Variants in PARD3 observed in about 807,000 individuals in gnomAD.
The protein encoded by PARD3 is partitioning defective 3 homolog.
In PARD3, 75 loss-of-function variants were observed where a neutral mutation model predicts 155.4. The observed-to-expected ratio is 0.48, with a 90% CI of 0.40 to 0.58. The LOEUF (loss-of-function observed/expected upper bound fraction) is 0.58. Among genes scored for constraint, PARD3 ranks in the 20% least tolerant of loss-of-function variants. The pLI, the probability that PARD3 is intolerant of heterozygous loss-of-function variation, is 0.00. For synonymous variants in PARD3, 576 were observed against 610.5 expected (o/e 0.94, Z 0.83); for missense variants, 1,642 against 1,721.7 (o/e 0.95, Z 0.82).
chr10:34,270,730 C>T (rs1428935815), intron 21 of PARD3, among the ~76,000 whole-genome samples: 3 of 152,120 alleles, frequency 2.0e-5, no homozygotes, highest in Admixed American at 6.5e-5. Flanking sequence ...AGCTTAATGA[C>T]ATCGACTCTG....
intron 7 of PARD3, among the ~76,000 whole-genome samples, chr10:34,389,590 T>C (rs1842685216): frequency 1.3e-5 from 2 of 152,202 alleles, no homozygotes; most frequent in Admixed American, 1.3e-4. Flanking sequence ...CCCAGCTGTA[T>C]GGAAATGATT....
intron 20 of PARD3, among the ~76,000 whole-genome samples, chr10:34,291,939 T>C (rs963178412): frequency 2.0e-5 from 3 of 152,210 alleles, no homozygotes; most frequent in Non-Finnish European, 4.4e-5. Flanking sequence ...CCAAAGGACA[T>C]TGTTCCTGAA....
At chr10:34,378,496 A>T (rs1841482246) in intron 9 of PARD3, among the ~76,000 whole-genome samples, 1 of 152,216 alleles carries the variant, frequency 6.6e-6, no homozygotes, top group Non-Finnish European at 1.5e-5. Context: ...CAATAATGAC[A>T]TCCAAATTTT....
chr10:34,721,499 G>A lies in PARD3; in HGVS notation c.121-25080C>T, dbSNP rs554140237. ...CCTCTCCTCCAACCCCATAGCCAGC[G>A]AAAAGGCAATACCCTGAGAGGGGCT... On this transcript the variant is annotated intron_variant, in intron 1 of 24. Coordinates refer to ENST00000374788, the MANE Select transcript of PARD3 (RefSeq NM_001184785.2). 6.2e-4 allele frequency among the ~76,000 whole-genome samples: 95 copies of A among 152,334 alleles called. 1 individual carries two copies. Among genetic ancestry groups the A allele is most frequent in the South Asian group, 6.2e-3 (30 of 4,820 alleles).
intron 1 of PARD3, among the ~76,000 whole-genome samples, chr10:34,810,157 AACTT>A (rs1324565647): frequency 1.3e-5 from 2 of 152,164 alleles, no homozygotes; most frequent in Non-Finnish European, 2.9e-5. Context: ...CAAAATCTGA[AACTT>A]ACTGAGCACC....
chr10:34,694,872 G>GCTAA lies in PARD3; in HGVS notation c.222+1442_222+1445dup, dbSNP rs777896955. On this transcript the variant is annotated intron_variant, in intron 2 of 24. Transcript: ENST00000374788. ...GCACCAACTCTCAGCCAGGCATGATGCTAACTGTCAGGAATATAGGTGTGA... is the reference window on the plus strand; with the variant it reads ...GCACCAACTCTCAGCCAGGCATGATGCTAACTAACTGTCAGGAATATAGGTGTGA... Among the ~76,000 whole-genome samples the GCTAA allele has an allele frequency of 7.2e-5, 11 of 152,262 alleles. No homozygotes were observed. The East Asian group carries it at 2.1e-3, about 29-fold the overall frequency.
intron 1 of PARD3, among the ~76,000 whole-genome samples, chr10:34,801,023 A>T (rs981058921): frequency 1.3e-5 from 2 of 152,180 alleles, no homozygotes; most frequent in African/African-American, 4.8e-5. Context: ...TCTGTCAAAA[A>T]TTCTCCGAAT....
At chr10:34,680,676 C>T (rs1227727087) in intron 2 of PARD3, among the ~76,000 whole-genome samples, 1 of 151,826 alleles carries the variant, frequency 6.6e-6, no homozygotes. Flanking sequence ...ACATACCAAT[C>T]ATTAAAGAAG....
intron 22 of PARD3, among the ~76,000 whole-genome samples, chr10:34,170,432 T>C (rs1349669312): frequency 6.6e-6 from 1 of 152,140 alleles, no homozygotes; most frequent in East Asian, 1.9e-4. Context: ...AATAACTTCA[T>C]TGAGTGCCTC....
intron 2 of PARD3, among the ~76,000 whole-genome samples, chr10:34,586,914 A>G (rs560365673): frequency 7.2e-5 from 11 of 151,874 alleles, no homozygotes; most frequent in Admixed American, 3.9e-4. Flanking sequence ...GTGCCATTGC[A>G]CTCCAGCCTG....
chr10:34,384,375 G>C (rs141728806), intron 7 of PARD3, 121 bp from the exon 8 acceptor site: 14,334 of 920,042 alleles, frequency 0.016, 141 homozygotes, highest in Non-Finnish European at 0.019. Context: ...ATGTTAAAAT[G>C]ACTATTCATA....
At chr10:34,201,079 G>GA (rs1564477098) in intron 22 of PARD3, among the ~76,000 whole-genome samples, 3 of 152,144 alleles carry the variant, frequency 2.0e-5, no homozygotes, top group African/African-American at 7.2e-5. Context: ...CTTGGAATAC[G>GA]AAAGGCATGG....
At chr10:34,814,171 C>G (rs1453097338) in intron 1 of PARD3, among the ~76,000 whole-genome samples, 1 of 152,196 alleles carries the variant, frequency 6.6e-6, no homozygotes, top group Non-Finnish European at 1.5e-5. Context: ...CAGAGCCCAG[C>G]AAGTGGGATC....
At chr10:34,174,006 T>A (rs726197) in intron 22 of PARD3, among the ~76,000 whole-genome samples, 70,136 of 152,046 alleles carry the variant, frequency 0.46, 16,917 homozygotes, top group Non-Finnish European at 0.54. Context: ...CAAGGCAAGA[T>A]CTGATATGAT....
chr10:34,176,033 T>C (rs905109422), intron 22 of PARD3, among the ~76,000 whole-genome samples: 1 of 152,224 alleles, frequency 6.6e-6, no homozygotes, highest in African/African-American at 2.4e-5. Flanking sequence ...GTAATTAGTT[T>C]AGCAAATATG....
chr10:34,775,632 CG>C (rs61544998), intron 1 of PARD3, among the ~76,000 whole-genome samples: 3,779 of 152,202 alleles, frequency 0.025, 161 homozygotes, highest in African/African-American at 0.085. Flanking sequence ...GAGATATATG[CG>C]TGAGAGAATG....
At chr10:34,308,021 G>T (rs959724737) in intron 20 of PARD3, among the ~76,000 whole-genome samples, 1 of 152,116 alleles carries the variant, frequency 6.6e-6, no homozygotes, top group African/African-American at 2.4e-5. Context: ...AGATGTTAAA[G>T]GTACAAGAGT....
intron 22 of PARD3, among the ~76,000 whole-genome samples, chr10:34,208,176 A>C (rs1951569302): frequency 6.6e-6 from 1 of 152,252 alleles, no homozygotes; most frequent in South Asian, 2.1e-4. Flanking sequence ...GTCTTCTAAA[A>C]AATAAAAGTC....
chr10:34,497,908 T>C (rs1308023415), intron 3 of PARD3, among the ~76,000 whole-genome samples: 1 of 152,160 alleles, frequency 6.6e-6, no homozygotes, highest in Admixed American at 6.5e-5. Flanking sequence ...TGTAAAACAG[T>C]TGCATTTTAC....
Sources: allele counts gnomAD v4.1 joint callset (sites outside exome capture counted in the v4.1 genomes callset), GRCh38; gene constraint gnomAD v4.1.1; transcripts MANE v1.5; gene names NCBI Gene and HGNC (gene_info 2026-07-23, HGNC 2026-07-21).